MAPK13: variants seen among roughly 807,000 people sequenced by gnomAD.
The protein encoded by MAPK13 is mitogen-activated protein kinase 13.
A neutral mutation model predicts 53.5 loss-of-function variants in MAPK13; 39 were observed. The ratio of observed to expected loss-of-function variants is 0.73; its 90% CI spans 0.56 to 0.95. MAPK13 has a LOEUF of 0.95. MAPK13 is among the 40% of genes least tolerant of loss of function. The pLI is 0.00. For synonymous variants in MAPK13, 179 were observed against 190.9 expected (o/e 0.94, Z 0.51); for missense variants, 460 against 471.8 (o/e 0.98, Z 0.23).
At chr6:36,138,283 G>A (rs1271451269) in intron 8 of MAPK13, 82 bp from the exon 9 acceptor site, 20 of 1,032,770 alleles carry the variant, frequency 1.9e-5, no homozygotes, top group Middle Eastern at 2.0e-4. Flanking sequence ...CATGGTGCCC[G>A]GGTGAAGTGA....
intron 3 of MAPK13, among the ~76,000 whole-genome samples, chr6:36,134,901 C>A (rs1766385860): frequency 6.6e-6 from 1 of 152,186 alleles, no homozygotes; most frequent in South Asian, 2.1e-4. Flanking sequence ...GTAGTTGTAG[C>A]TACTCAGGGA....
chr6:36,137,343 G>A (rs868572345), intron 8 of MAPK13, among the ~76,000 whole-genome samples: 2 of 151,970 alleles, frequency 1.3e-5, no homozygotes, highest in African/African-American at 2.4e-5. Flanking sequence ...GGGAAACCCC[G>A]TATCTACTAA....
intron 8 of MAPK13, 79 bp from the exon 9 acceptor site, chr6:36,138,286 T>G (rs1766460370): frequency 2.8e-6 from 3 of 1,061,744 alleles, no homozygotes; most frequent in Non-Finnish European, 4.4e-6. Flanking sequence ...GGTGCCCGGG[T>G]GAAGTGATGG....
intron 11 of MAPK13, 92 bp from the exon 12 acceptor site, chr6:36,139,202 C>A: frequency 6.9e-7 from 1 of 1,441,944 alleles, no homozygotes. Context: ...TCTCCTTGAG[C>A]TGACTTCGCT....
At position 36,132,679 on chromosome 6, in the gene MAPK13, T is replaced by C. The variant is rs1415224311; in HGVS notation, c.308T>C (p.Phe103Ser). ...PASSLRNFYD[F>S]YLVMPFMQTD... ...TCCTCCCTGCGCAACTTCTATGACTTGTGAGTTGGGCTGCACTGGGTTCTG... is the reference window on the plus strand; with the variant it reads ...TCCTCCCTGCGCAACTTCTATGACTCGTGAGTTGGGCTGCACTGGGTTCTG... The change falls in exon 3 of 12, where the codon TTC becomes TCC. Residue 103 changes from phenylalanine to serine, a missense_variant and splice_region_variant. Physicochemically the swap from Phe to Ser is radical, Grantham distance 155. Transcript: ENST00000211287. The C allele has an allele frequency of 4.3e-6, 7 of 1,614,088 alleles. No individual in the cohort carries two copies. The highest frequency in any genetic ancestry group is 2.2e-5 in the East Asian group (1 of 44,900).
intron 8 of MAPK13, among the ~76,000 whole-genome samples, chr6:36,138,140 C>G (rs909522573): frequency 6.6e-6 from 1 of 152,000 alleles, no homozygotes; most frequent in African/African-American, 2.4e-5. Flanking sequence ...AAGTCCACAT[C>G]CATTTGTTGG....
intron 1 of MAPK13, chr6:36,131,008 C>T: frequency 5.7e-6 from 3 of 526,656 alleles, no homozygotes; most frequent in Non-Finnish European, 1.0e-5. Context: ...GGGGAGGTGG[C>T]TCGCCAAGTT....
chr6:36,135,817 G>C lies in MAPK13; in HGVS notation c.373G>C (p.Glu125Gln), dbSNP rs1262920565. ...GATCATGGGGATGGAGTTCAGTGAG[G>C]AGAAGATCCAGTACCTGGTGTATCA... ...QKIMGMEFSEEKIQYLVYQML... is the reference protein window; with the variant it reads ...QKIMGMEFSEQKIQYLVYQML... Residue 125 changes from glutamate to glutamine, a missense_variant, in exon 4 of 12, where the codon GAG becomes CAG. Coordinates refer to ENST00000211287, the MANE Select transcript of MAPK13 (RefSeq NM_002754.5). The C allele has an allele frequency of 3.1e-6, 5 of 1,614,068 alleles. No homozygotes were observed. The highest frequency in any genetic ancestry group is 4.2e-6 in the Non-Finnish European group (5 of 1,179,980).
rs766272492 is a variant in MAPK13 at position 36,143,380 on chromosome 6, G to C, written c.*4007G>C. The C allele has an allele frequency of 1.8e-4, 28 of 152,196 alleles. No homozygotes were observed. The highest frequency in any genetic ancestry group is 3.2e-4 in the Non-Finnish European group (22 of 68,074). 9.4% of individuals were successfully genotyped at this position (152,196 alleles called of 1,614,324 possible). The stretch of plus-strand genomic sequence containing the variant: ...GCCTGATGGAGGAACAGCTCCGTAA[G>C]GGTGAACCCAGTGTGCACGGGTGCC... On this transcript the variant is annotated 3_prime_UTR_variant, in exon 12 of 12. Coordinates refer to ENST00000211287, the MANE Select transcript of MAPK13 (RefSeq NM_002754.5).
Position 36,139,342 on chromosome 6 carries a change from A to G in MAPK13, c.1067A>G (p.Asp356Gly), listed in dbSNP as rs866546471. Reference sequence around the variant, plus strand: ...AACTTCAGCCCCATTGCCCGGAAGGACTCACGGCGCCGGAGTGGCATGAAG... The same window carrying G: ...AACTTCAGCCCCATTGCCCGGAAGGGCTCACGGCGCCGGAGTGGCATGAAG... Reference protein sequence around the residue: ...IVNFSPIARKDSRRRSGMKL With the variant: ...IVNFSPIARKGSRRRSGMKL The change falls in exon 12 of 12, where the codon GAC (aspartate) becomes GGC (glycine). Residue 356 changes from aspartate (D) to glycine (G), a missense_variant. Physicochemically the swap from Asp to Gly is moderately conservative, Grantham distance 94. Transcript: ENST00000211287. The G allele has an allele frequency of 1.9e-6, 3 of 1,613,604 alleles. No individual in the cohort carries two copies. Among genetic ancestry groups the G allele is most frequent in the Non-Finnish European group, 2.5e-6 (3 of 1,179,948 alleles).
intron 2 of MAPK13, among the ~76,000 whole-genome samples, chr6:36,132,209 AC>A (rs151305852): frequency 0.01 from 1,575 of 152,214 alleles, 38 homozygotes; most frequent in African/African-American, 0.035. Context: ...GTGGCTGGAG[AC>A]CCAAGGTCAG....
Position 36,139,509 on chromosome 6 carries a change from G to T in MAPK13, c.*136G>T, listed in dbSNP as rs537101202. ...GTCCTTCTCCTTATGTGGGAAATGG[G>T]CCTAGTAGATGCAGAATTCAAAGAT... On this transcript the variant is annotated 3_prime_UTR_variant, in exon 12 of 12. Coordinates refer to ENST00000211287, the MANE Select transcript of MAPK13 (RefSeq NM_002754.5). The T allele has an allele frequency of 3.0e-6, 2 of 674,956 alleles. No individual in the cohort carries two copies. The highest frequency in any genetic ancestry group is 5.0e-5 in the Admixed American group (2 of 40,072). The allele number at this position is 674,956 out of a possible 1,614,324, so 41.8% of individuals were successfully genotyped here.
At position 36,140,420 on chromosome 6, in the gene MAPK13, CTT is replaced by C. The variant is rs1766511871; in HGVS notation, c.*1049_*1050del. ...AACCTCTCTGTTTTTATCTGAGAAA[CTT>C]TGGCAGAACAAATTTCCATGTGCAC... On this transcript the variant is annotated 3_prime_UTR_variant, in exon 12 of 12. Coordinates refer to ENST00000211287, the MANE Select transcript of MAPK13 (RefSeq NM_002754.5). The C allele has an allele frequency of 6.5e-6, 1 of 152,800 alleles. No homozygotes were observed. The highest frequency in any genetic ancestry group is 1.5e-5 in the Non-Finnish European group (1 of 68,108). 9.5% of individuals were successfully genotyped at this position (152,800 alleles called of 1,614,324 possible).
rs1009293269 is a variant in MAPK13, at chr6:36,139,967, C to T, written c.*594C>T. ...CAACAGTCATTGGATTTAGGGCCCA[C>T]CCTAATCCTGTGTGATCTTATCTTG... On this transcript the variant is annotated 3_prime_UTR_variant, in exon 12 of 12. Coordinates refer to ENST00000211287, the MANE Select transcript of MAPK13 (RefSeq NM_002754.5). The T allele has an allele frequency of 4.6e-5, 7 of 152,878 alleles. No individual in the cohort carries two copies. The highest frequency in any genetic ancestry group is 7.3e-5 in the Non-Finnish European group (5 of 68,570). The allele number at this position is 152,878 out of a possible 1,614,324, so 9.5% of individuals were successfully genotyped here. A position where few individuals can be genotyped will look rare whatever the true frequency, so the allele number is the denominator to read the frequency against.
Position 36,130,712 on chromosome 6 carries a change from T to A in MAPK13, c.119+11T>A. 1.1e-6 allele frequency: 1 copy of A among 922,782 alleles called. No homozygotes were observed. Among genetic ancestry groups the A allele is most frequent in the Non-Finnish European group, 1.6e-6 (1 of 626,714 alleles). The allele number at this position is 922,782 out of a possible 1,614,324, so 57.2% of individuals were successfully genotyped here. The stretch of plus-strand genomic sequence containing the variant: ...CTATGGCTCCGTGTGGTGAGACCCC[T>A]GGGCCGCTGGGGGGCGGGGGGCGGG... On this transcript the variant is annotated intron_variant, in intron 1 of 11. Transcript: ENST00000211287. The surrounding 1 kb of genome is among the most constrained non-coding windows in gnomAD (Gnocchi z 4.5).
At chr6:36,131,746 A>G (rs548442590) in intron 2 of MAPK13, among the ~76,000 whole-genome samples, 2 of 152,216 alleles carry the variant, frequency 1.3e-5, no homozygotes, top group South Asian at 2.1e-4. Context: ...CGTGACCCTG[A>G]TAACAATAGC....
rs972285158 is a variant in MAPK13 at position 36,144,195 on chromosome 6, T to C, written c.*4822T>C. 1 of 152,138 alleles carries C rather than the reference T, an allele frequency of 6.6e-6. No individual in the cohort carries two copies. Among genetic ancestry groups the C allele is most frequent in the African/African-American group, 2.4e-5 (1 of 41,420 alleles). 9.4% of individuals were successfully genotyped at this position (152,138 alleles called of 1,614,324 possible). A position where few individuals can be genotyped will look rare whatever the true frequency, so the allele number is the denominator to read the frequency against. ...TTTCAGAATAATATTTTCATACACA[T>C]AAAATATGTAGGATTACAAAGTAAG... On this transcript the variant is annotated 3_prime_UTR_variant, in exon 12 of 12. Coordinates refer to ENST00000211287, the MANE Select transcript of MAPK13 (RefSeq NM_002754.5).
intron 2 of MAPK13, among the ~76,000 whole-genome samples, chr6:36,131,680 C>T (rs1437805309): frequency 6.6e-6 from 1 of 152,188 alleles, no homozygotes; most frequent in African/African-American, 2.4e-5. Flanking sequence ...TAATTGGTTC[C>T]ATGTCTGAGA....
In MAPK13 at chr6:36,130,675, C is replaced by A; in HGVS notation, c.93C>A (p.Val31=). ...LPKTYVSPTH[V]GSGAYGSVCS... is the part of the protein sequence containing the mutation. Reference sequence around the variant, plus strand: ...AGACCTACGTGTCCCCGACGCACGTCGGCAGCGGGGCCTATGGCTCCGTGT... The same window carrying A: ...AGACCTACGTGTCCCCGACGCACGTAGGCAGCGGGGCCTATGGCTCCGTGT... Residue 31 remains valine, a synonymous_variant, in exon 1 of 12, where the codon GTC becomes GTA. Transcript: ENST00000211287. This position sits in a 1 kb window ranked among gnomAD's most constrained non-coding sequence, Gnocchi z 4.5. The A allele has an allele frequency of 5.2e-6, 8 of 1,539,692 alleles. No individual in the cohort carries two copies. The highest frequency in any genetic ancestry group is 6.1e-6 in the Non-Finnish European group (7 of 1,148,472).
Sources: gnomAD v4.1 joint callset for allele counts (sites outside exome capture counted in the v4.1 genomes callset) on GRCh38, gnomAD v4.1.1 for gene constraint, Gnocchi (gnomAD v3.1) non-coding constraint, MANE v1.5 for transcripts, NCBI Gene and HGNC (gene_info 2026-07-23, HGNC 2026-07-21) for gene names.